The following OTUD7A variants were observed in gnomAD, a reference collection of about 807,000 sequenced individuals.
The protein encoded by OTUD7A is OTU deubiquitinase 7A, also known as OTU domain-containing protein 7A.
In OTUD7A, 12 loss-of-function variants were observed where a neutral mutation model predicts 65.7. The ratio of observed to expected loss-of-function variants is 0.18; its 90% CI spans 0.12 to 0.30. OTUD7A has a LOEUF of 0.30. OTUD7A is among the 10% of genes least tolerant of loss of function. The probability of loss-of-function intolerance (pLI) is 1.00; values close to 1 mark genes in which losing one functional copy is unlikely to be tolerated. For missense variants in OTUD7A, 1,148 were observed against 1,304.8 expected (o/e 0.88, Z 1.85); for synonymous variants, 641 against 586.3 (o/e 1.09, Z -1.35).
intron 1 of OTUD7A, among the ~76,000 whole-genome samples, chr15:31,731,876 G>C (rs1286752439): frequency 6.6e-6 from 1 of 151,792 alleles, no homozygotes; most frequent in Admixed American, 6.6e-5. Context: ...TAAAAGTAAA[G>C]TGTATTAAAA....
At chr15:31,779,917 C>G (rs1381348266) in intron 1 of OTUD7A, among the ~76,000 whole-genome samples, 5 of 152,160 alleles carry the variant, frequency 3.3e-5, no homozygotes, top group Non-Finnish European at 5.9e-5. Context: ...CAATCACACA[C>G]TCTGACTGCT....
intron 1 of OTUD7A, among the ~76,000 whole-genome samples, chr15:31,668,300 GTTTAACAT>G (rs1277470457): frequency 1.3e-5 from 2 of 152,124 alleles, no homozygotes; most frequent in Non-Finnish European, 1.5e-5. Flanking sequence ...AGGTTTGGTT[GTTTAACAT>G]AGTCCCAGCC....
At chr15:31,843,242 T>C (rs925743674) in intron 1 of OTUD7A, among the ~76,000 whole-genome samples, 5 of 150,934 alleles carry the variant, frequency 3.3e-5, no homozygotes, top group Non-Finnish European at 5.9e-5. Context: ...GAATTTCTCT[T>C]AGAAGGTTTA....
chr15:31,581,261 C>CCACAGCTAGTGAAAG (rs1889362467), intron 3 of OTUD7A, among the ~76,000 whole-genome samples: 1 of 152,242 alleles, frequency 6.6e-6, no homozygotes, highest in Non-Finnish European at 1.5e-5. Flanking sequence ...CAGGGTACAG[C>CCACAGCTAGTGAAAG]CCTCCTCCTA....
At chr15:31,857,484 C>T (rs1897606629) in intron 1 of OTUD7A, among the ~76,000 whole-genome samples, 1 of 152,180 alleles carries the variant, frequency 6.6e-6, no homozygotes, top group African/African-American at 2.4e-5. Flanking sequence ...CGCCCTCCCC[C>T]TTACACACTC....
chr15:31,823,000 G>A (rs1391910191), intron 1 of OTUD7A, among the ~76,000 whole-genome samples: 1 of 152,208 alleles, frequency 6.6e-6, no homozygotes, highest in Non-Finnish European at 1.5e-5. Context: ...AAAAAATTTG[G>A]CCTGTGGGGC....
chr15:31,551,549 A>G (rs958715216), intron 5 of OTUD7A, among the ~76,000 whole-genome samples: 2 of 152,210 alleles, frequency 1.3e-5, no homozygotes, highest in African/African-American at 2.4e-5. Flanking sequence ...TAGTCCTCTG[A>G]TTCATCCGTG....
chr15:31,663,400 G>T (rs1055892204), intron 1 of OTUD7A, among the ~76,000 whole-genome samples: 1 of 151,922 alleles, frequency 6.6e-6, no homozygotes, highest in Non-Finnish European at 1.5e-5. Context: ...TGGGTATTAA[G>T]CCCTGCATGC....
rs577150700 is a variant in OTUD7A at position 31,498,326 on chromosome 15, T to C, written c.1171+3364A>G. On this transcript the variant is annotated intron_variant, in intron 10 of 12. Transcript: ENST00000307050. The surrounding 1 kb of genome is among the most constrained non-coding windows in gnomAD (Gnocchi z 4.2). ...GATTATTTTATTACATTGGTTTCCT[T>C]TGATTTCTCCTGATGTGGGGGTACT... Among the ~76,000 whole-genome samples, 5 of 152,324 alleles carry C rather than the reference T, an allele frequency of 3.3e-5. No individual in the cohort carries two copies. The highest frequency in any genetic ancestry group is 4.1e-4 in the South Asian group (2 of 4,830).
intron 5 of OTUD7A, among the ~76,000 whole-genome samples, chr15:31,555,405 G>A (rs1039188617): frequency 8.5e-5 from 13 of 152,078 alleles, no homozygotes; most frequent in African/African-American, 2.9e-4. Context: ...CATATAAATA[G>A]TTTATTCATA....
chr15:31,850,713 G>A (rs1350665023), intron 1 of OTUD7A, among the ~76,000 whole-genome samples: 1 of 151,994 alleles, frequency 6.6e-6, no homozygotes, highest in South Asian at 2.1e-4. Context: ...ACCAATAAAG[G>A]GCACAGCTTC....
chr15:31,857,690 C>A (rs535042665), intron 1 of OTUD7A, among the ~76,000 whole-genome samples: 2 of 152,222 alleles, frequency 1.3e-5, no homozygotes, highest in Non-Finnish European at 2.9e-5. Flanking sequence ...GACTGCCCCC[C>A]ACGTCCTTCA....
intron 1 of OTUD7A, among the ~76,000 whole-genome samples, chr15:31,776,056 C>T (rs926327468): frequency 1.3e-5 from 2 of 152,188 alleles, no homozygotes; most frequent in Non-Finnish European, 2.9e-5. Context: ...GCCACTGCCA[C>T]GCAGCCACCT....
chr15:31,825,858 A>G (rs1394334873), intron 1 of OTUD7A, among the ~76,000 whole-genome samples: 1 of 152,246 alleles, frequency 6.6e-6, no homozygotes, highest in African/African-American at 2.4e-5. Flanking sequence ...TGCGAGTCCA[A>G]AATCCATTGG....
chr15:31,636,083 G>T (rs1414430576), intron 3 of OTUD7A, among the ~76,000 whole-genome samples: 1 of 152,234 alleles, frequency 6.6e-6, no homozygotes, highest in Non-Finnish European at 1.5e-5. Context: ...AATTTGAGAA[G>T]CTGACACGTG....
intron 1 of OTUD7A, among the ~76,000 whole-genome samples, chr15:31,710,167 T>C: frequency 6.6e-6 from 1 of 150,480 alleles, no homozygotes; most frequent in Non-Finnish European, 1.5e-5. Context: ...ATCCTAATTG[T>C]CACTTTTGTC....
At chr15:31,533,692 C>T (rs73372525) in intron 5 of OTUD7A, among the ~76,000 whole-genome samples, 2,996 of 152,028 alleles carry the variant, frequency 0.02, 101 homozygotes, top group African/African-American at 0.068. Flanking sequence ...AGAAAGGAAA[C>T]GATAAAAGAA....
chr15:31,501,681 C>G lies in OTUD7A; in HGVS notation c.1171+9G>C. The G allele has an allele frequency of 6.2e-7, 1 of 1,614,174 alleles. No individual in the cohort carries two copies. Among genetic ancestry groups the G allele is most frequent in the Non-Finnish European group, 8.5e-7 (1 of 1,180,014 alleles). ...CTCCTGCGTGCACTCTCTTGGGAGA[C>G]AGGCATACCTTGTTCTCTTTGCTGG... On this transcript the variant is annotated intron_variant, in intron 10 of 12. Transcript: ENST00000307050.
At chr15:31,760,608 T>C (rs1894934436) in intron 1 of OTUD7A, among the ~76,000 whole-genome samples, 1 of 152,200 alleles carries the variant, frequency 6.6e-6, no homozygotes, top group African/African-American at 2.4e-5. Context: ...GAAAATGCAA[T>C]GTTGCTAAGA....
Sources: allele counts gnomAD v4.1 joint callset (sites outside exome capture counted in the v4.1 genomes callset), GRCh38; gene constraint gnomAD v4.1.1; non-coding constraint Gnocchi (gnomAD v3.1); transcripts MANE v1.5; gene names NCBI Gene and HGNC (gene_info 2026-07-23, HGNC 2026-07-21).